Variants in RBM33 observed in about 807,000 individuals in gnomAD.
The protein encoded by RBM33 is RNA-binding protein 33.
Under a neutral mutation model 132.6 loss-of-function variants are expected in RBM33, and 28 were observed. The ratio of observed to expected loss-of-function variants is 0.21; its 90% CI spans 0.16 to 0.29. RBM33 has a LOEUF of 0.29. RBM33 is among the 10% of genes least tolerant of loss of function. The pLI is 1.00. For missense variants in RBM33, 1,291 were observed against 1,518.5 expected, an observed-to-expected ratio of 0.85 and a Z score of 2.49; for synonymous variants, 634 against 593.0, an observed-to-expected ratio of 1.07 and a Z score of -1.01.
chr7:155,737,949 C>A (rs1801182918), intron 10 of RBM33, 111 bp from the exon 11 acceptor site: 2 of 990,042 alleles, frequency 2.0e-6, no homozygotes, highest in East Asian at 4.9e-5. Flanking sequence ...ACATTCATAA[C>A]CTGTCAACAC....
At chr7:155,665,107 T>C in intron 1 of RBM33, 68 bp from the exon 2 acceptor site, 1 of 1,345,022 alleles carries the variant, frequency 7.4e-7, no homozygotes. Context: ...GTTGTTTTAG[T>C]GTTTGAATTA....
At chr7:155,738,843 C>T (rs977224209) in intron 11 of RBM33, 2 of 165,550 alleles carry the variant, frequency 1.2e-5, no homozygotes, top group Non-Finnish European at 2.6e-5. Context: ...CCTTGAGTGC[C>T]CTCTGCCGAC....
chr7:155,666,419 G>C (rs944659616), intron 2 of RBM33, among the ~76,000 whole-genome samples: 8 of 152,180 alleles, frequency 5.3e-5, no homozygotes, highest in African/African-American at 1.9e-4. Context: ...TTGCTAATCA[G>C]CTCTGGAAGC....
intron 15 of RBM33, among the ~76,000 whole-genome samples, chr7:155,766,077 C>G (rs1802206427): frequency 6.6e-6 from 1 of 152,110 alleles, no homozygotes. Flanking sequence ...CTATACTACA[C>G]TAGGAGAAAT....
At chr7:155,657,567 G>A (rs1286622536) in intron 1 of RBM33, among the ~76,000 whole-genome samples, 1 of 152,168 alleles carries the variant, frequency 6.6e-6, no homozygotes, top group African/African-American at 2.4e-5. Flanking sequence ...CCATGCACAG[G>A]CATGAGCATG....
At chr7:155,677,999 A>T (rs928282352) in intron 3 of RBM33, among the ~76,000 whole-genome samples, 1 of 152,190 alleles carries the variant, frequency 6.6e-6, no homozygotes, top group African/African-American at 2.4e-5. Context: ...GCTCAAATAT[A>T]TATAACCTAA....
intron 15 of RBM33, among the ~76,000 whole-genome samples, chr7:155,765,241 C>A (rs1802175196): frequency 6.6e-6 from 1 of 152,134 alleles, no homozygotes; most frequent in African/African-American, 2.4e-5. Context: ...TATAAGTAGG[C>A]ATTTGTTAGA....
rs557134957 is a variant in RBM33 at position 155,706,494 on chromosome 7, G to A, written c.740-366G>A. 2.6e-5 allele frequency among the ~76,000 whole-genome samples: 4 copies of A among 152,062 alleles called. No individual in the cohort carries two copies. In the South Asian group the frequency reaches 8.3e-4, roughly 32 times the overall value. On this transcript the variant is annotated intron_variant, in intron 6 of 17. Transcript: ENST00000401878. ...GGGCAACAAAGTGAGACTCTGTCTC[G>A]GGGGGAAAAAGGATGGGACTGCAAA...
At chr7:155,687,262 G>T (rs1799509061) in intron 5 of RBM33, among the ~76,000 whole-genome samples, 1 of 152,144 alleles carries the variant, frequency 6.6e-6, no homozygotes, top group Non-Finnish European at 1.5e-5. Context: ...GTGTCTGTTG[G>T]CTGCATAAAT....
At chr7:155,709,749 C>T (rs1400374134) in intron 7 of RBM33, among the ~76,000 whole-genome samples, 1 of 152,168 alleles carries the variant, frequency 6.6e-6, no homozygotes, top group Non-Finnish European at 1.5e-5. Context: ...TCCCTACTCT[C>T]ATGGGCAAAT....
At chr7:155,688,965 A>G (rs1277914441) in intron 5 of RBM33, among the ~76,000 whole-genome samples, 1 of 150,394 alleles carries the variant, frequency 6.6e-6, no homozygotes, top group Non-Finnish European at 1.5e-5. Context: ...AGGCTTTGGT[A>G]TCAGGATGAT....
At chr7:155,768,251 G>C (rs563926333) in intron 16 of RBM33, among the ~76,000 whole-genome samples, 4 of 152,220 alleles carry the variant, frequency 2.6e-5, no homozygotes, top group Admixed American at 2.6e-4. Flanking sequence ...GCTTCTCACA[G>C]CATTGAGTGA....
intron 8 of RBM33, among the ~76,000 whole-genome samples, chr7:155,716,956 C>T (rs1438660237): frequency 6.6e-6 from 1 of 152,100 alleles, no homozygotes; most frequent in Non-Finnish European, 1.5e-5. Flanking sequence ...TGTATGCTAT[C>T]ACTTGAAATT....
chr7:155,669,038 C>T (rs1374045438), intron 2 of RBM33, among the ~76,000 whole-genome samples: 1 of 152,034 alleles, frequency 6.6e-6, no homozygotes, highest in Non-Finnish European at 1.5e-5. Context: ...TGTTTGTGAA[C>T]GAGCTCTTTT....
intron 5 of RBM33, chr7:155,685,070 A>G: frequency 6.5e-7 from 1 of 1,543,536 alleles, no homozygotes; most frequent in Non-Finnish European, 8.7e-7. Flanking sequence ...TTCATCTTTT[A>G]AAAAGAGTAA....
In RBM33 at chr7:155,725,201, TTG is replaced by T. The variant is rs1261559519; in HGVS notation, c.1260+6760_1260+6761del. On this transcript the variant is annotated intron_variant, in intron 9 of 17. Transcript: ENST00000401878. ...TTTAGTTGGTTCTTTCCTTTTTTAG[TTG>T]TTTTTTTTTTTTTTTTTTTTTGAAT... Among the ~76,000 whole-genome samples the T allele has an allele frequency of 7.0e-3, 839 of 120,036 alleles. 11 individuals are homozygous for T. The highest frequency in any genetic ancestry group is 0.033 in the African/African-American group (778 of 23,292). 78.7% of individuals were successfully genotyped at this position (120,036 alleles called of 152,430 possible). A position where few individuals can be genotyped will look rare whatever the true frequency, so the allele number is the denominator to read the frequency against.
chr7:155,768,855 C>T (rs1280944205), intron 16 of RBM33, among the ~76,000 whole-genome samples: 2 of 152,024 alleles, frequency 1.3e-5, no homozygotes, highest in Admixed American at 6.5e-5. Flanking sequence ...CCTCGTGATC[C>T]GCCCGCCTCA....
At chr7:155,648,897 A>G (rs996653497) in intron 1 of RBM33, among the ~76,000 whole-genome samples, 1 of 152,200 alleles carries the variant, frequency 6.6e-6, no homozygotes, top group Non-Finnish European at 1.5e-5. Flanking sequence ...GATCCTTTGT[A>G]CATGACATGT....
intron 15 of RBM33, among the ~76,000 whole-genome samples, chr7:155,765,755 TC>T (rs765431593): frequency 6.6e-6 from 1 of 152,226 alleles, no homozygotes; most frequent in South Asian, 2.1e-4. Context: ...CTTTAAAAGT[TC>T]CTTGAGCAGT....
Sources: allele counts gnomAD v4.1 joint callset (sites outside exome capture counted in the v4.1 genomes callset), GRCh38; gene constraint gnomAD v4.1.1; transcripts MANE v1.5; gene names NCBI Gene and HGNC (gene_info 2026-07-23, HGNC 2026-07-21).